Variants in ANKRD13B observed in about 807,000 individuals in gnomAD.
ANKRD13B encodes the protein ankyrin repeat domain-containing protein 13B.
ANKRD13B carries 33 observed loss-of-function variants against 74.4 expected under a neutral mutation model. The observed-to-expected ratio is 0.44, with a 90% CI of 0.34 to 0.59. The LOEUF (loss-of-function observed/expected upper bound fraction) is 0.59. Ranked by LOEUF, ANKRD13B falls within the 20% of genes least tolerant of loss-of-function variation. ANKRD13B has a pLI of 0.02. For missense variants in ANKRD13B, 676 were observed against 877.9 expected (o/e 0.77, Z 2.91); for synonymous variants, 341 against 362.9 (o/e 0.94, Z 0.68).
At chr17:29,600,619 G>GA (rs1395796829) in intron 1 of ANKRD13B, among the ~76,000 whole-genome samples, 1 of 152,196 alleles carries the variant, frequency 6.6e-6, no homozygotes, top group Non-Finnish European at 1.5e-5. Context: ...ATGAGGCTGG[G>GA]AAGGGGACCA....
At chr17:29,593,866 C>A in intron 1 of ANKRD13B, 131 bp downstream of exon 1, 1 of 286,924 alleles carries the variant, frequency 3.5e-6, no homozygotes, top group African/African-American at 3.2e-5. Flanking sequence ...GCGGCCGCGG[C>A]TTTTGTGCTT....
Position 29,608,165 on chromosome 17 carries a change from G to T in ANKRD13B, c.376-30G>T. Reference sequence around the variant, plus strand: ...AGCCCTTGAGCCCTTCTCCAGTGCAGACTTAGCCTCTCTCCCCTTCGTCCT... The same window carrying T: ...AGCCCTTGAGCCCTTCTCCAGTGCATACTTAGCCTCTCTCCCCTTCGTCCT... On this transcript the variant is annotated intron_variant, in intron 3 of 14. Transcript: ENST00000394859. This position sits in a 1 kb window ranked among gnomAD's most constrained non-coding sequence, Gnocchi z 6.4. 1 of 1,614,186 alleles carries T rather than the reference G, an allele frequency of 6.2e-7. No individual in the cohort carries two copies. The highest frequency in any genetic ancestry group is 1.1e-5 in the South Asian group (1 of 91,080).
intron 1 of ANKRD13B, among the ~76,000 whole-genome samples, chr17:29,599,868 T>TG (rs2034093441): frequency 9.3e-6 from 1 of 107,374 alleles, no homozygotes; most frequent in Non-Finnish European, 1.9e-5. Context: ...CTAATTTGTT[T>TG]TTTTTTTTTT....
Position 29,611,555 on chromosome 17 carries a change from T to A in ANKRD13B, c.905-24T>A, listed in dbSNP as rs754297614. 1 of 1,613,378 alleles carries A rather than the reference T, an allele frequency of 6.2e-7. No homozygotes were observed. Among genetic ancestry groups the A allele is most frequent in the Admixed American group, 1.7e-5 (1 of 60,022 alleles). ...AGGTGTGTGTGGAGTTGCGGTGTCC[T>A]CTGAGATGCCACATTTCTTGTAGGC... is the stretch of plus-strand genomic sequence containing the variant. On this transcript the variant is annotated intron_variant, in intron 8 of 14. Transcript: ENST00000394859. The surrounding 1 kb of genome is among the most constrained non-coding windows in gnomAD (Gnocchi z 4.3).
At position 29,608,087 on chromosome 17, in the gene ANKRD13B, G is replaced by C. The variant is rs373543908; in HGVS notation, c.352G>C (p.Val118Leu). The C allele has an allele frequency of 1.2e-6, 2 of 1,612,534 alleles. No individual in the cohort carries two copies. The highest frequency in any genetic ancestry group is 2.7e-5 in the African/African-American group (2 of 74,886). The part of the protein sequence containing the change: ...RVVKRLAGIP[V>L]LLEKLRKAQD... ...GGTGAAGCGGCTGGCGGGCATCCCC[G>C]TGCTCCTGGAGAAGCTGCGCAAGGT... Residue 118 changes from valine to leucine, a missense_variant, in exon 3 of 15, where the codon GTG (valine) becomes CTG (leucine). Physicochemically the swap from Val to Leu is conservative, Grantham distance 32. This residue lies in a region of ANKRD13B where 328 missense variants were observed against 518.4 expected (regional missense o/e 0.63). Coordinates refer to ENST00000394859, the MANE Select transcript of ANKRD13B (RefSeq NM_152345.5). The surrounding 1 kb of genome is among the most constrained non-coding windows in gnomAD (Gnocchi z 6.4).
At chr17:29,605,493 C>T (rs956191666) in intron 1 of ANKRD13B, among the ~76,000 whole-genome samples, 2 of 151,742 alleles carry the variant, frequency 1.3e-5, no homozygotes, top group African/African-American at 4.8e-5. Context: ...TTTGAGACAG[C>T]GTCTCACTCT....
chr17:29,613,102 C>T (rs2034661426), intron 14 of ANKRD13B, 139 bp downstream of exon 14: 1 of 1,270,488 alleles, frequency 7.9e-7, no homozygotes, highest in Non-Finnish European at 1.1e-6. Flanking sequence ...ACTCCTGCCT[C>T]CGAGGCGGCA....
chr17:29,611,595 G>A lies in ANKRD13B; in HGVS notation c.921G>A (p.Leu307=). The change falls in exon 9 of 15, where the codon TTG becomes TTA. Residue 307 remains leucine, a synonymous_variant. Coordinates refer to ENST00000394859, the MANE Select transcript of ANKRD13B (RefSeq NM_152345.5). The surrounding 1 kb of genome is among the most constrained non-coding windows in gnomAD (Gnocchi z 4.3). ...KGKVKGCKTP[L]QSFLGIAEQH... is the part of the protein sequence containing the mutation. ...TTCTTGTAGGCTGTAAGACACCTTT[G>A]CAGTCCTTCCTGGGAATCGCTGAGC... 1 of 1,614,208 alleles carries A rather than the reference G, an allele frequency of 6.2e-7. No homozygotes were observed. The highest frequency in any genetic ancestry group is 8.5e-7 in the Non-Finnish European group (1 of 1,180,030).
chr17:29,606,924 T>C (rs749724945), intron 1 of ANKRD13B, among the ~76,000 whole-genome samples: 14 of 149,952 alleles, frequency 9.3e-5, no homozygotes, highest in Non-Finnish European at 1.8e-4. Context: ...TTGGCGAATG[T>C]CTGTAATCCC....
intron 7 of ANKRD13B, among the ~76,000 whole-genome samples, chr17:29,610,452 A>G (rs1475866117): frequency 6.6e-6 from 1 of 152,180 alleles, no homozygotes; most frequent in African/African-American, 2.4e-5. Flanking sequence ...TGTTTACTGT[A>G]TCCCTGATGC....
chr17:29,593,654 G>T lies in ANKRD13B; in HGVS notation c.33G>T (p.Gly11=). ...CCGCCAACGCCTCCGCCAGGAAGGG[G>T]CCCGAGGGCAAGTATCCGCTGCACT... MIPANASARK[G]PEGKYPLHYL... The change falls in exon 1 of 15, where the codon GGG becomes GGT. Residue 11 remains glycine, a synonymous_variant. Transcript: ENST00000394859. The T allele has an allele frequency of 7.0e-7, 1 of 1,423,506 alleles. No individual in the cohort carries two copies. The highest frequency in any genetic ancestry group is 9.3e-7 in the Non-Finnish European group (1 of 1,077,038). 88.2% of individuals were successfully genotyped at this position (1,423,506 alleles called of 1,614,324 possible). A position where few individuals can be genotyped will look rare whatever the true frequency, so the allele number is the denominator to read the frequency against.
intron 1 of ANKRD13B, among the ~76,000 whole-genome samples, chr17:29,607,047 C>T (rs2034414163): frequency 6.6e-6 from 1 of 151,602 alleles, no homozygotes; most frequent in Non-Finnish European, 1.5e-5. Flanking sequence ...GAGACTCCGT[C>T]CCCCCAAAAA....
At position 29,608,136 on chromosome 17, in the gene ANKRD13B, C is replaced by A; in HGVS notation, c.375+26C>A. On this transcript the variant is annotated intron_variant, in intron 3 of 14. Transcript: ENST00000394859. The surrounding 1 kb of genome is among the most constrained non-coding windows in gnomAD (Gnocchi z 6.4). ...GTGAGGCCCAGCCTCTCAGCCTCCACGGGAGCCCTTGAGCCCTTCTCCAGT... is the reference window on the plus strand; with the variant it reads ...GTGAGGCCCAGCCTCTCAGCCTCCAAGGGAGCCCTTGAGCCCTTCTCCAGT... The A allele has an allele frequency of 1.2e-6, 2 of 1,613,756 alleles. No individual in the cohort carries two copies. Among genetic ancestry groups the A allele is most frequent in the Non-Finnish European group, 8.5e-7 (1 of 1,179,724 alleles).
At position 29,611,718 on chromosome 17, in the gene ANKRD13B, C is replaced by A; in HGVS notation, c.969+75C>A. The A allele has an allele frequency of 6.3e-7, 1 of 1,588,264 alleles. No individual in the cohort carries two copies. The highest frequency in any genetic ancestry group is 8.6e-7 in the Non-Finnish European group (1 of 1,157,420). ...AGGAGGAGGCTTGGGAAGCGTCCTG[C>A]TTAGCATGGCCTATGTGGACCTCCT... is the stretch of plus-strand genomic sequence containing the variant. On this transcript the variant is annotated intron_variant, in intron 9 of 14. Transcript: ENST00000394859. This position sits in a 1 kb window ranked among gnomAD's most constrained non-coding sequence, Gnocchi z 4.3.
In ANKRD13B at chr17:29,613,522, C is replaced by T; in HGVS notation, c.1821C>T (p.Arg607=). The T allele has an allele frequency of 3.3e-6, 5 of 1,525,076 alleles. No homozygotes were observed. The highest frequency in any genetic ancestry group is 4.4e-6 in the Non-Finnish European group (5 of 1,138,856). 94.5% of individuals were successfully genotyped at this position (1,525,076 alleles called of 1,614,324 possible). ...AGGAGCAGGAGGAGAGGCGGCGGCG[C>T]GCGCGCCAGGAGGAGGAGGAGCTGG... ...SAQEQEERRR[R]ARQEEEELER... Residue 607 remains arginine (R), a synonymous_variant, in exon 15 of 15, where the codon CGC becomes CGT. Transcript: ENST00000394859.
intron 1 of ANKRD13B, among the ~76,000 whole-genome samples, chr17:29,600,683 A>T (rs959252161): frequency 2.6e-5 from 4 of 151,404 alleles, no homozygotes; most frequent in Non-Finnish European, 1.5e-5. Context: ...CTTCACCTCC[A>T]CCTCTGCCAT....
At position 29,608,068 on chromosome 17, in the gene ANKRD13B, G is replaced by A. The variant is rs1477398756; in HGVS notation, c.333G>A (p.Lys111=). 1.2e-6 allele frequency: 2 copies of A among 1,613,054 alleles called. No individual in the cohort carries two copies. Among genetic ancestry groups the A allele is most frequent in the African/African-American group, 2.7e-5 (2 of 74,922 alleles). Residue 111 remains lysine, a synonymous_variant, in exon 3 of 15, where the codon AAG becomes AAA. Coordinates refer to ENST00000394859, the MANE Select transcript of ANKRD13B (RefSeq NM_152345.5). This position sits in a 1 kb window ranked among gnomAD's most constrained non-coding sequence, Gnocchi z 6.4. ...ACCGGGACTACCAGCGGGTGGTGAA[G>A]CGGCTGGCGGGCATCCCCGTGCTCC... ...LRYRDYQRVV[K]RLAGIPVLLE...
At chr17:29,595,933 A>C (rs1194037641) in intron 1 of ANKRD13B, among the ~76,000 whole-genome samples, 1 of 152,148 alleles carries the variant, frequency 6.6e-6, no homozygotes, top group African/African-American at 2.4e-5. Context: ...CCTACTCCCC[A>C]GGGCACCAGG....
At position 29,608,398 on chromosome 17, in the gene ANKRD13B, C is replaced by G. The variant is rs1280647764; in HGVS notation, c.421+158C>G. Among the ~76,000 whole-genome samples the G allele has an allele frequency of 6.6e-6, 1 of 152,160 alleles. No homozygotes were observed. Among genetic ancestry groups the G allele is most frequent in the Admixed American group, 6.5e-5 (1 of 15,278 alleles). On this transcript the variant is annotated intron_variant, in intron 4 of 14. Transcript: ENST00000394859. The surrounding 1 kb of genome is among the most constrained non-coding windows in gnomAD (Gnocchi z 6.4). ...CTCAGCTAGGCCTTTCCAGATTGCC[C>G]CAGATACTGTCTTGACTCCATTATT...
Sources: gnomAD v4.1 joint callset for allele counts (sites outside exome capture counted in the v4.1 genomes callset) on GRCh38, gnomAD v4.1.1 for gene constraint, gnomAD v4.1.1 regional missense constraint, Gnocchi (gnomAD v3.1) non-coding constraint, MANE v1.5 for transcripts, NCBI Gene and HGNC (gene_info 2026-07-23, HGNC 2026-07-21) for gene names.